The following COL22A1 variants were observed in gnomAD, a reference collection of about 807,000 sequenced individuals.
COL22A1 encodes collagen type XXII alpha 1 chain, also known as collagen alpha-1(XXII) chain.
COL22A1 carries 221 observed loss-of-function variants against 248.9 expected under a neutral mutation model. The observed-to-expected ratio is 0.89, with a 90% CI of 0.80 to 0.99. The LOEUF is 0.99. Among genes scored for constraint, COL22A1 ranks in the 50% least tolerant of loss-of-function variants. The pLI is 0.00. For missense variants in COL22A1, 2,240 were observed against 2,179.0 expected (o/e 1.03, Z -0.56); for synonymous variants, 891 against 793.4 (o/e 1.12, Z -2.07).
chr8:138,753,151 C>T (rs918149574), intron 21 of COL22A1, among the ~76,000 whole-genome samples: 1 of 152,326 alleles, frequency 6.6e-6, no homozygotes, highest in Middle Eastern at 3.4e-3. Context: ...AAGTACCTTC[C>T]ATGACCCTAT....
At chr8:138,657,288 G>A (rs1414062364) in intron 44 of COL22A1, among the ~76,000 whole-genome samples, 1 of 152,226 alleles carries the variant, frequency 6.6e-6, no homozygotes, top group Non-Finnish European at 1.5e-5. Flanking sequence ...TTTTAAAAGG[G>A]AAAGGTGTTT....
At chr8:138,734,360 T>C (rs1830945036) in intron 23 of COL22A1, among the ~76,000 whole-genome samples, 1 of 152,228 alleles carries the variant, frequency 6.6e-6, no homozygotes, top group African/African-American at 2.4e-5. Flanking sequence ...GGGCTGAATT[T>C]GGTACCCAGT....
intron 10 of COL22A1, among the ~76,000 whole-genome samples, chr8:138,806,142 G>GTATGAT (rs796183518): frequency 4.4e-4 from 4 of 9,050 alleles, no homozygotes; most frequent in South Asian, 4.4e-3. Flanking sequence ...GTGTGGTGGT[G>GTATGAT]TGTGTGTGAT....
At chr8:138,779,798 G>A (rs1357802374) in intron 13 of COL22A1, among the ~76,000 whole-genome samples, 3 of 152,156 alleles carry the variant, frequency 2.0e-5, no homozygotes, top group Non-Finnish European at 2.9e-5. Context: ...GTCTGATTCT[G>A]TCTCCCAGAC....
In COL22A1 at chr8:138,710,593, A is replaced by ATC. The variant is rs1563649158; in HGVS notation, c.2517+5087_2517+5088dup. ...ATCTTTGTAGCAATGCCCATAATCTATCTATCTATCTATCTATATATATAT... is the reference window on the plus strand; with the variant it reads ...ATCTTTGTAGCAATGCCCATAATCTATCTCTATCTATCTATCTATATATATAT... On this transcript the variant is annotated intron_variant, in intron 30 of 64. Coordinates refer to ENST00000303045, the MANE Select transcript of COL22A1 (RefSeq NM_152888.3). Among the ~76,000 whole-genome samples the ATC allele has an allele frequency of 5.7e-4, 27 of 47,052 alleles. No individual in the cohort carries two copies. In the South Asian group the frequency reaches 0.014, roughly 24 times the overall value. 30.9% of individuals were successfully genotyped at this position (47,052 alleles called of 152,430 possible). A position where few individuals can be genotyped will look rare whatever the true frequency, so the allele number is the denominator to read the frequency against.
intron 41 of COL22A1, among the ~76,000 whole-genome samples, chr8:138,666,706 G>T (rs185552917): frequency 6.6e-6 from 1 of 152,282 alleles, no homozygotes; most frequent in African/African-American, 2.4e-5. Flanking sequence ...GTTATGGCCT[G>T]GGAAATGTCA....
intron 1 of COL22A1, among the ~76,000 whole-genome samples, chr8:138,912,967 C>T (rs12545655): frequency 0.3 from 45,142 of 151,920 alleles, 7,134 homozygotes; most frequent in African/African-American, 0.41. Context: ...TAATTCAAAT[C>T]GTGCTCAATA....
At chr8:138,776,225 G>C (rs1162579052) in intron 15 of COL22A1, among the ~76,000 whole-genome samples, 1 of 152,198 alleles carries the variant, frequency 6.6e-6, no homozygotes, top group South Asian at 2.1e-4. Flanking sequence ...CTTCCAGAGT[G>C]AGACGTGAGT....
At chr8:138,768,213 T>C (rs1394766983) in intron 16 of COL22A1, among the ~76,000 whole-genome samples, 1 of 152,194 alleles carries the variant, frequency 6.6e-6, no homozygotes, top group Non-Finnish European at 1.5e-5. Flanking sequence ...ATGGTTCCCA[T>C]GGCCTGCAGG....
chr8:138,794,624 T>G (rs1379003843), intron 12 of COL22A1, among the ~76,000 whole-genome samples: 1 of 152,040 alleles, frequency 6.6e-6, no homozygotes, highest in Non-Finnish European at 1.5e-5. Flanking sequence ...GGAAACAACT[T>G]AGATGTCCAT....
intron 32 of COL22A1, among the ~76,000 whole-genome samples, chr8:138,697,105 T>A (rs148160105): frequency 0.012 from 1,780 of 152,244 alleles, 18 homozygotes; most frequent in Non-Finnish European, 0.017. Context: ...GGACTCCAGA[T>A]GCTCAAGAGA....
chr8:138,780,905 G>C (rs1487214194), intron 13 of COL22A1, 22 bp downstream of exon 13: 2 of 1,605,618 alleles, frequency 1.2e-6, no homozygotes, highest in Non-Finnish European at 8.5e-7. Flanking sequence ...TTGTGAGCCA[G>C]GGCAGACGGA....
At chr8:138,616,775 G>T in intron 54 of COL22A1, 139 bp downstream of exon 54, 2 of 919,570 alleles carry the variant, frequency 2.2e-6, no homozygotes, top group Non-Finnish European at 3.5e-6. Flanking sequence ...TCCCTGTGCT[G>T]GCTTGCTCCA....
chr8:138,602,136 C>T lies in COL22A1; in HGVS notation c.4164G>A (p.Glu1388=), dbSNP rs184333457. ...GKEGVPGKPG[E]PGFKGERGDP... is the part of the protein sequence containing the mutation. ...TCACCCTTTCTCCTTTGAATCCAGGCTCTCCAGGCTTCCCAGGGACCCCCT... is the reference window on the plus strand; with the variant it reads ...TCACCCTTTCTCCTTTGAATCCAGGTTCTCCAGGCTTCCCAGGGACCCCCT... Residue 1388 remains glutamate (E), a synonymous_variant, in exon 60 of 65, where the codon GAG becomes GAA. Transcript: ENST00000303045. The T allele has an allele frequency of 1.1e-4, 178 of 1,614,166 alleles. No individual in the cohort carries two copies. In the East Asian group the frequency reaches 3.7e-3, roughly 34 times the overall value.
At chr8:138,725,616 G>A (rs1280799252) in intron 23 of COL22A1, among the ~76,000 whole-genome samples, 176 bp from the exon 24 acceptor site, 2 of 152,196 alleles carry the variant, frequency 1.3e-5, no homozygotes, top group African/African-American at 2.4e-5. Flanking sequence ...GAAAAGATTG[G>A]AACCAAAATT....
chr8:138,778,515 C>T, intron 14 of COL22A1, 109 bp from the exon 15 acceptor site: 1 of 968,316 alleles, frequency 1.0e-6, no homozygotes, highest in Non-Finnish European at 1.5e-6. Flanking sequence ...GCTAGCTCAC[C>T]TCTCACCAAG....
intron 9 of COL22A1, among the ~76,000 whole-genome samples, chr8:138,810,325 C>T (rs999045024): frequency 6.6e-6 from 1 of 152,232 alleles, no homozygotes; most frequent in African/African-American, 2.4e-5. Flanking sequence ...CCTTACCATG[C>T]CATCACTCAT....
At chr8:138,824,561 A>G (rs1202158621) in intron 6 of COL22A1, among the ~76,000 whole-genome samples, 1 of 152,192 alleles carries the variant, frequency 6.6e-6, no homozygotes, top group Non-Finnish European at 1.5e-5. Context: ...ACTTATTGAA[A>G]CCCAGCCTCA....
At chr8:138,843,019 CGG>C (rs1269523955) in intron 4 of COL22A1, among the ~76,000 whole-genome samples, 1 of 152,092 alleles carries the variant, frequency 6.6e-6, no homozygotes, top group Non-Finnish European at 1.5e-5. Flanking sequence ...CTCTGGGAAA[CGG>C]GGTCAAATGT....
Sources: allele counts gnomAD v4.1 joint callset (sites outside exome capture counted in the v4.1 genomes callset), GRCh38; gene constraint gnomAD v4.1.1; transcripts MANE v1.5; gene names NCBI Gene and HGNC (gene_info 2026-07-23, HGNC 2026-07-21).